Variants in RAB3C observed in about 807,000 individuals in gnomAD.
RAB3C encodes RAB3C, member RAS oncogene family.
Under a neutral mutation model 26.4 loss-of-function variants are expected in RAB3C, and 17 were observed. That is an observed-to-expected ratio of 0.64 (90% CI 0.44 to 0.97). The LOEUF is 0.97. Among genes scored for constraint, RAB3C ranks in the 50% least tolerant of loss-of-function variants. The pLI is 0.00. For synonymous variants in RAB3C, 91 were observed against 95.9 expected (o/e 0.95, Z 0.30); for missense variants, 242 against 281.9 (o/e 0.86, Z 1.01).
At chr5:58,714,290 TG>T (rs1749122974) in intron 2 of RAB3C, among the ~76,000 whole-genome samples, 1 of 152,106 alleles carries the variant, frequency 6.6e-6, no homozygotes, top group South Asian at 2.1e-4. Context: ...GACTTTTCAA[TG>T]GTATCAACTA....
chr5:58,714,434 A>C (rs577663486), intron 2 of RAB3C, among the ~76,000 whole-genome samples: 1 of 152,316 alleles, frequency 6.6e-6, no homozygotes, highest in East Asian at 1.9e-4. Flanking sequence ...AGTATTTATT[A>C]CCGGCAGACC....
At chr5:58,733,547 G>T (rs293013) in intron 3 of RAB3C, among the ~76,000 whole-genome samples, 82,720 of 151,984 alleles carry the variant, frequency 0.54, 22,978 homozygotes, top group East Asian at 0.62. Context: ...TGGCTCCATG[G>T]TTTTGGGAAA....
intron 3 of RAB3C, among the ~76,000 whole-genome samples, chr5:58,780,735 T>C (rs1333391768): frequency 1.3e-5 from 2 of 152,116 alleles, no homozygotes; most frequent in Non-Finnish European, 2.9e-5. Context: ...CGACCCTTTG[T>C]GGCCAACTTG....
At chr5:58,622,034 AG>A (rs1375781356) in intron 2 of RAB3C, among the ~76,000 whole-genome samples, 16 of 152,346 alleles carry the variant, frequency 1.1e-4, no homozygotes, top group African/African-American at 3.6e-4. Flanking sequence ...ATTCAAATAA[AG>A]CATTTTAACA....
At chr5:58,650,057 A>G in intron 2 of RAB3C, among the ~76,000 whole-genome samples, 1 of 152,192 alleles carries the variant, frequency 6.6e-6, no homozygotes, top group East Asian at 1.9e-4. Flanking sequence ...ATTTATATGG[A>G]AAGAATTTTC....
chr5:58,602,116 T>C (rs185727892), intron 1 of RAB3C, among the ~76,000 whole-genome samples: 2 of 152,146 alleles, frequency 1.3e-5, no homozygotes, highest in Non-Finnish European at 2.9e-5. Flanking sequence ...CCAGTGTTCA[T>C]TCAGGAGCAG....
chr5:58,782,821 A>G (rs1264220242), intron 3 of RAB3C, among the ~76,000 whole-genome samples: 1 of 152,184 alleles, frequency 6.6e-6, no homozygotes, highest in Non-Finnish European at 1.5e-5. Context: ...TGAAAAAAAG[A>G]TAGGATAAGA....
intron 4 of RAB3C, among the ~76,000 whole-genome samples, chr5:58,845,349 C>T (rs747883488): frequency 2.6e-5 from 4 of 151,990 alleles, no homozygotes; most frequent in East Asian, 3.9e-4. Flanking sequence ...ATGTTCTTCA[C>T]GTGCACCGGA....
chr5:58,729,498 G>A (rs1208848943), intron 3 of RAB3C, among the ~76,000 whole-genome samples: 2 of 151,616 alleles, frequency 1.3e-5, no homozygotes, highest in Non-Finnish European at 2.9e-5. Context: ...GTGGAATCAT[G>A]CAGTATTTGT....
chr5:58,833,550 A>G (rs745840546), intron 4 of RAB3C, among the ~76,000 whole-genome samples: 1 of 152,266 alleles, frequency 6.6e-6, no homozygotes, highest in East Asian at 1.9e-4. Context: ...ACAAACAAGG[A>G]ATTAGAGGCA....
chr5:58,607,372 A>G (rs568362105), intron 1 of RAB3C, among the ~76,000 whole-genome samples: 2 of 152,330 alleles, frequency 1.3e-5, no homozygotes, highest in African/African-American at 4.8e-5. Flanking sequence ...AAAAAAGAGT[A>G]AAAAGAAATG....
intron 4 of RAB3C, among the ~76,000 whole-genome samples, chr5:58,831,140 C>T (rs964980624): frequency 6.6e-6 from 1 of 152,140 alleles, no homozygotes; most frequent in African/African-American, 2.4e-5. Context: ...ACTTTAGCCT[C>T]CCATGACTGG....
At chr5:58,817,758 C>A (rs1318948453) in intron 3 of RAB3C, among the ~76,000 whole-genome samples, 1 of 151,722 alleles carries the variant, frequency 6.6e-6, no homozygotes, top group Non-Finnish European at 1.5e-5. Context: ...CTGAATTGGG[C>A]TAATTTTTAA....
chr5:58,811,737 T>C (rs1429351755), intron 3 of RAB3C, among the ~76,000 whole-genome samples: 2 of 151,786 alleles, frequency 1.3e-5, no homozygotes, highest in Middle Eastern at 3.4e-3. Flanking sequence ...CAGTCAGAGC[T>C]AAACTCACAA....
rs1312564681 is a variant in RAB3C, at chr5:58,855,764, G to T, written c.*4413G>T. The T allele has an allele frequency of 1.3e-5, 2 of 152,142 alleles. No individual in the cohort carries two copies. The highest frequency in any genetic ancestry group is 2.9e-5 in the Non-Finnish European group (2 of 68,026). The allele number at this position is 152,142 out of a possible 1,614,324, so 9.4% of individuals were successfully genotyped here. On this transcript the variant is annotated 3_prime_UTR_variant, in exon 5 of 5. Transcript: ENST00000282878. ...TACTGGGCCAAATTAAGTAAAAGAT[G>T]AAGTTTATGACCAGAATAAAAAAGC...
intron 2 of RAB3C, among the ~76,000 whole-genome samples, chr5:58,694,450 G>C (rs1051568561): frequency 1.3e-5 from 2 of 152,180 alleles, no homozygotes; most frequent in Non-Finnish European, 2.9e-5. Context: ...TATATACCCA[G>C]TAATGGGATT....
At chr5:58,766,289 T>C (rs1342690912) in intron 3 of RAB3C, among the ~76,000 whole-genome samples, 1 of 152,070 alleles carries the variant, frequency 6.6e-6, no homozygotes, top group Non-Finnish European at 1.5e-5. Context: ...GCTAATTTTT[T>C]GTATTTTTAG....
intron 3 of RAB3C, among the ~76,000 whole-genome samples, chr5:58,737,121 T>A (rs773334136): frequency 4.6e-5 from 7 of 151,956 alleles, no homozygotes; most frequent in Non-Finnish European, 1.0e-4. Context: ...GCCACCAAGT[T>A]TAGCCACACC....
At chr5:58,655,556 A>C (rs1747751060) in intron 2 of RAB3C, among the ~76,000 whole-genome samples, 1 of 152,230 alleles carries the variant, frequency 6.6e-6, no homozygotes, top group African/African-American at 2.4e-5. Context: ...AAAGGTAAAG[A>C]GTAAAACTAA....
Sources: allele counts gnomAD v4.1 joint callset (sites outside exome capture counted in the v4.1 genomes callset), GRCh38; gene constraint gnomAD v4.1.1; transcripts MANE v1.5; gene names NCBI Gene and HGNC (gene_info 2026-07-23, HGNC 2026-07-21).